The following WDR62 variants were observed in gnomAD, a reference collection of about 807,000 sequenced individuals.
WDR62 encodes the protein WD repeat domain 62, also known as WD repeat-containing protein 62.
A neutral mutation model predicts 160.6 loss-of-function variants in WDR62; 112 were observed. The ratio of observed to expected loss-of-function variants is 0.70; its 90% CI spans 0.60 to 0.82. WDR62 has a LOEUF of 0.82. Ranked by LOEUF, WDR62 falls within the 40% of genes least tolerant of loss-of-function variation. The pLI, the probability that WDR62 is intolerant of heterozygous loss-of-function variation, is 0.00. For synonymous variants in WDR62, 792 were observed against 815.1 expected (o/e 0.97, Z 0.48); for missense variants, 1,819 against 1,983.8 (o/e 0.92, Z 1.58).
At chr19:36,083,274 C>A (rs1000850501) in intron 11 of WDR62, 33 bp downstream of exon 11, 2 of 1,565,348 alleles carry the variant, frequency 1.3e-6, no homozygotes, top group East Asian at 4.7e-5. Flanking sequence ...CAGTGTACAC[C>A]TCCCAGCTCC....
chr19:36,080,360 C>T (rs368126552), intron 9 of WDR62, among the ~76,000 whole-genome samples: 3 of 151,926 alleles, frequency 2.0e-5, no homozygotes, highest in African/African-American at 4.8e-5. Flanking sequence ...GTGATCCTCC[C>T]GCCTCGGCCT....
chr19:36,092,169 T>C (rs1221685780), intron 18 of WDR62, among the ~76,000 whole-genome samples: 2 of 151,604 alleles, frequency 1.3e-5, no homozygotes, highest in Non-Finnish European at 2.9e-5. Flanking sequence ...AAATTAGCTG[T>C]GCGTGGTGGC....
chr19:36,054,922 G>C lies in WDR62; in HGVS notation c.-50G>C. The C allele has an allele frequency of 6.5e-7, 1 of 1,546,768 alleles. No homozygotes were observed. The highest frequency in any genetic ancestry group is 8.7e-7 in the Non-Finnish European group (1 of 1,147,862). Reference sequence around the variant, plus strand: ...GCTGTTCCAGTGGGTCGTGGCGGTGGCGGCAGCGGCGGTTAGGGGATGTAA... The same window carrying C: ...GCTGTTCCAGTGGGTCGTGGCGGTGCCGGCAGCGGCGGTTAGGGGATGTAA... On this transcript the variant is annotated 5_prime_UTR_variant, in exon 1 of 32. Coordinates refer to ENST00000401500, the MANE Select transcript of WDR62 (RefSeq NM_001083961.2).
rs587784551 is a variant in WDR62 at position 36,101,674 on chromosome 19, G to A, written c.2982G>A (p.Glu994=). 5 of 1,550,834 alleles carry A rather than the reference G, an allele frequency of 3.2e-6. No homozygotes were observed. The highest frequency in any genetic ancestry group is 4.4e-6 in the Non-Finnish European group (5 of 1,146,904). The change falls in exon 25 of 32, where the codon GAG becomes GAA. Residue 994 remains glutamate, a synonymous_variant. Transcript: ENST00000401500. ...KDQSPPEDSG[E]SEADLECSFA... Reference sequence around the variant, plus strand: ...GACTCTGTCCTTCAGACTCGGGGGAGTCAGAGGCCGACCTGGAGTGCAGCT... The same window carrying A: ...GACTCTGTCCTTCAGACTCGGGGGAATCAGAGGCCGACCTGGAGTGCAGCT...
Position 36,104,777 on chromosome 19 carries a change from A to G in WDR62, c.4321A>G (p.Ser1441Gly). 6.2e-7 allele frequency: 1 copy of G among 1,613,714 alleles called. No individual in the cohort carries two copies. Among genetic ancestry groups the G allele is most frequent in the Non-Finnish European group, 8.5e-7 (1 of 1,180,018 alleles). ...CTGGCATCCCTTGCAGTTGGTCTCC[A>G]GTGGCCAGGTGGACACCGGGCAGCA... Reference protein sequence around the residue: ...ALDLYRVLVSSGQVDTGQQQA... With the variant: ...ALDLYRVLVSGGQVDTGQQQA... Residue 1441 changes from serine (S) to glycine (G), a missense_variant, in exon 32 of 32, where the codon AGT (serine) becomes GGT (glycine). Coordinates refer to ENST00000401500, the MANE Select transcript of WDR62 (RefSeq NM_001083961.2).
chr19:36,093,958 A>G, intron 19 of WDR62, 73 bp from the exon 20 acceptor site: 1 of 1,582,840 alleles, frequency 6.3e-7, no homozygotes, highest in Non-Finnish European at 8.7e-7. Flanking sequence ...CACAGGGCCC[A>G]GCCCTAGGCA....
At chr19:36,093,900 C>T in intron 19 of WDR62, 131 bp from the exon 20 acceptor site, 1 of 1,118,144 alleles carries the variant, frequency 8.9e-7, no homozygotes. Flanking sequence ...AGAGACTTGC[C>T]AGCACCATCT....
chr19:36,081,532 A>G lies in WDR62; in HGVS notation c.1333A>G (p.Ser445Gly), dbSNP rs1349886075. 1 of 1,614,210 alleles carries G rather than the reference A, an allele frequency of 6.2e-7. No individual in the cohort carries two copies. Among genetic ancestry groups the G allele is most frequent in the African/African-American group, 1.3e-5 (1 of 75,054 alleles). Residue 445 changes from serine (S) to glycine (G), a missense_variant, in exon 10 of 32, where the codon AGC (serine) becomes GGC (glycine). By Grantham distance (56) the Ser-to-Gly change is moderately conservative. Coordinates refer to ENST00000401500, the MANE Select transcript of WDR62 (RefSeq NM_001083961.2). ...NTIRFWNLDS[S>G]PDSHWQKNIF... ...CATTCGCTTCTGGAACTTGGACAGC[A>G]GCCCTGATTCTCACTGGCAGAAAAA... is the stretch of plus-strand genomic sequence containing the variant.
In WDR62 at chr19:36,094,414, C is replaced by T. The variant is rs139913156; in HGVS notation, c.2467+250C>T. Among the ~76,000 whole-genome samples, 1,197 of 151,812 alleles carry T rather than the reference C, an allele frequency of 7.9e-3. 23 individuals are homozygous for T. Among genetic ancestry groups the T allele is most frequent in the Non-Finnish European group, 7.5e-3 (508 of 67,952 alleles). Reference sequence around the variant, plus strand: ...ACTAAAAATACAAAAATTAGCCGGGCGTGGTGGCGTGCAACTATAGTCCTA... The same window carrying T: ...ACTAAAAATACAAAAATTAGCCGGGTGTGGTGGCGTGCAACTATAGTCCTA... On this transcript the variant is annotated intron_variant, in intron 20 of 31. Coordinates refer to ENST00000401500, the MANE Select transcript of WDR62 (RefSeq NM_001083961.2).
At chr19:36,058,209 G>A (rs1233337643) in intron 1 of WDR62, among the ~76,000 whole-genome samples, 1 of 152,062 alleles carries the variant, frequency 6.6e-6, no homozygotes, top group African/African-American at 2.4e-5. Flanking sequence ...AAAATTAGCC[G>A]GACATGGTGG....
At chr19:36,097,170 C>A in intron 21 of WDR62, 91 bp downstream of exon 21, 2 of 1,246,668 alleles carry the variant, frequency 1.6e-6, no homozygotes, top group Non-Finnish European at 2.3e-6. Context: ...CTTTCCATGT[C>A]CCTCTTTTCC....
At chr19:36,085,776 A>T (rs1172985351) in intron 12 of WDR62, among the ~76,000 whole-genome samples, 2 of 151,972 alleles carry the variant, frequency 1.3e-5, no homozygotes, top group African/African-American at 4.8e-5. Flanking sequence ...CCAAGTGAAG[A>T]TTTCGTTTGT....
intron 3 of WDR62, chr19:36,060,893 T>TA (rs1970611453): frequency 6.6e-6 from 1 of 152,232 alleles, no homozygotes; most frequent in Non-Finnish European, 1.5e-5. Flanking sequence ...GAGAAAGACT[T>TA]AACATGATTT....
At chr19:36,106,506 A>G (rs1352873233), downstream of WDR62, among the ~76,000 whole-genome samples, 1 of 152,196 alleles carries the variant, frequency 6.6e-6, no homozygotes, top group Non-Finnish European at 1.5e-5. Context: ...GCTCTGTATA[A>G]TTCTAGATAG....
chr19:36,078,208 T>C (rs1599784702), intron 9 of WDR62, among the ~76,000 whole-genome samples: 1 of 151,158 alleles, frequency 6.6e-6, no homozygotes, highest in African/African-American at 2.4e-5. Context: ...GGTGCAGTGG[T>C]ATGATCTCCG....
In WDR62 at chr19:36,089,272, T is replaced by C. The variant is rs747256021; in HGVS notation, c.1924T>C (p.Tyr642His). The C allele has an allele frequency of 3.7e-6, 6 of 1,614,160 alleles. 1 individual carries two copies. Among genetic ancestry groups the C allele is most frequent in the South Asian group, 1.1e-5 (1 of 91,088 alleles). The change falls in exon 15 of 32, where the codon TAC becomes CAC. Residue 642 changes from tyrosine to histidine, a missense_variant. By Grantham distance (83) the Tyr-to-His change is moderately conservative. This residue lies in a region of WDR62 where 934 missense variants were observed against 1,157.2 expected (regional missense o/e 0.81). Transcript: ENST00000401500. Reference protein sequence around the residue: ...YDMDIDITQKYVAVACQDRNV... With the variant: ...YDMDIDITQKHVAVACQDRNV... ...CATGGACATTGACATCACCCAGAAG[T>C]ACGTGGCCGTGGCCTGCCAGGACCG...
chr19:36,059,642 C>G (rs944746521), intron 2 of WDR62, among the ~76,000 whole-genome samples: 1 of 152,038 alleles, frequency 6.6e-6, no homozygotes, highest in Non-Finnish European at 1.5e-5. Flanking sequence ...ACTCTGTCGC[C>G]CAGGCTGGTC....
rs191047039 is a variant in WDR62, at chr19:36,086,557, C to A, written c.1643-130C>A. 4,098 of 1,239,330 alleles carry A rather than the reference C, an allele frequency of 3.3e-3. 5 individuals carry two copies. The highest frequency in any genetic ancestry group is 4.4e-3 in the Non-Finnish European group (3,848 of 883,348). The allele number at this position is 1,239,330 out of a possible 1,614,324, so 76.8% of individuals were successfully genotyped here. A position where few individuals can be genotyped will look rare whatever the true frequency, so the allele number is the denominator to read the frequency against. On this transcript the variant is annotated intron_variant, in intron 12 of 31. Transcript: ENST00000401500. ...GGAGTGGCCCTTGCCAGGCTTGGGC[C>A]AAGTTGGCTACAGTTGAAGAACCAA...
At chr19:36,080,131 G>A (rs547756618) in intron 9 of WDR62, among the ~76,000 whole-genome samples, 79 of 149,910 alleles carry the variant, frequency 5.3e-4, no homozygotes, top group Admixed American at 1.3e-3. Flanking sequence ...TTTTTGAGAC[G>A]GAGTCTCCCT....
Sources: gnomAD v4.1 joint callset for allele counts (sites outside exome capture counted in the v4.1 genomes callset) on GRCh38, gnomAD v4.1.1 for gene constraint, gnomAD v4.1.1 regional missense constraint, MANE v1.5 for transcripts, NCBI Gene and HGNC (gene_info 2026-07-23, HGNC 2026-07-21) for gene names.